Variants in SYNDIG1L observed in about 807,000 individuals in gnomAD.
SYNDIG1L encodes synapse differentiation inducing 1 like, also known as synapse differentiation-inducing gene protein 1-like.
SYNDIG1L carries 13 observed loss-of-function variants against 20.1 expected under a neutral mutation model. That is an observed-to-expected ratio of 0.65 (90% confidence interval 0.42 to 1.03). SYNDIG1L has a LOEUF of 1.03. Among genes scored for constraint, SYNDIG1L ranks in the 50% least tolerant of loss-of-function variants. SYNDIG1L has a pLI of 0.00. For missense variants in SYNDIG1L, 294 were observed against 305.1 expected, an observed-to-expected ratio of 0.96 and a Z score of 0.27; for synonymous variants, 128 against 129.3, an observed-to-expected ratio of 0.99 and a Z score of 0.07.
At chr14:74,475,082 A>C in the SYNDIG1L span, among the ~76,000 whole-genome samples, 1 of 152,174 alleles carries the variant, frequency 6.6e-6, no homozygotes. Context: ...GGCAAACCAG[A>C]GTGTGGCATC....
Position 74,409,666 on chromosome 14 carries a change from C to G in SYNDIG1L, c.79G>C (p.Glu27Gln). 1 of 1,496,966 alleles carries G rather than the reference C, an allele frequency of 6.7e-7. No individual in the cohort carries two copies. The highest frequency in any genetic ancestry group is 8.9e-7 in the Non-Finnish European group (1 of 1,124,000). 92.7% of individuals were successfully genotyped at this position (1,496,966 alleles called of 1,614,324 possible). The change falls in exon 2 of 4, where the codon GAG becomes CAG. Residue 27 changes from glutamate (E) to glutamine (Q), a missense_variant. Coordinates refer to ENST00000331628, the MANE Select transcript of SYNDIG1L (RefSeq NM_001105579.2). ...TGGCAGGACCAGCTGGGTGGGGTCT[C>G]CGGGTAGGGATAGGGGCCATGGAGA... The part of the protein sequence containing the change: ...AHLHGPYPYP[E>Q]TPPSWSCQEK...
the SYNDIG1L span, among the ~76,000 whole-genome samples, chr14:74,475,475 A>C: frequency 9.0e-6 from 1 of 111,072 alleles, no homozygotes. Context: ...AGAAATCTGT[A>C]AACAACTACT....
rs767990783 is a variant in SYNDIG1L at position 74,407,067 on chromosome 14, C to G, written c.*468G>C. 16 of 176,914 alleles carry G rather than the reference C, an allele frequency of 9.0e-5. No individual in the cohort carries two copies. The highest frequency in any genetic ancestry group is 1.9e-4 in the African/African-American group (8 of 41,676). The allele number at this position is 176,914 out of a possible 1,614,324, so 11.0% of individuals were successfully genotyped here. A position where few individuals can be genotyped will look rare whatever the true frequency, so the allele number is the denominator to read the frequency against. ...GGCCAGACAGTGGAGTTGGGGGAAG[C>G]TCAGGCTGTCCCCAGGTGAAGATCC... On this transcript the variant is annotated 3_prime_UTR_variant, in exon 4 of 4. Coordinates refer to ENST00000331628, the MANE Select transcript of SYNDIG1L (RefSeq NM_001105579.2).
At chr14:74,416,145 A>T (rs981054299) in intron 1 of SYNDIG1L, among the ~76,000 whole-genome samples, 1 of 152,034 alleles carries the variant, frequency 6.6e-6, no homozygotes, top group African/African-American at 2.4e-5. Flanking sequence ...TCTCTTTTTT[A>T]AATGTATCTC....
Position 74,409,769 on chromosome 14 carries a change from G to A in SYNDIG1L, c.-25C>T, listed in dbSNP as rs992872635. The stretch of plus-strand genomic sequence containing the variant: ...TGGTTCTGGGGCAGCTGCTGGGGAG[G>A]GGGGCCTGGGCCAGCTGAGCAGTCC... On this transcript the variant is annotated 5_prime_UTR_variant, in exon 2 of 4. Transcript: ENST00000331628. 5 of 1,414,942 alleles carry A rather than the reference G, an allele frequency of 3.5e-6. No individual in the cohort carries two copies. Among genetic ancestry groups the A allele is most frequent in the South Asian group, 1.9e-5 (1 of 51,338 alleles). The allele number at this position is 1,414,942 out of a possible 1,614,324, so 87.6% of individuals were successfully genotyped here. A position where few individuals can be genotyped will look rare whatever the true frequency, so the allele number is the denominator to read the frequency against.
the SYNDIG1L span, among the ~76,000 whole-genome samples, chr14:74,462,952 A>G: frequency 1.3e-5 from 2 of 152,190 alleles, no homozygotes; most frequent in African/African-American, 4.8e-5. Flanking sequence ...TACTGGGCAC[A>G]CAGACCAACT....
At chr14:74,426,244 G>A (rs2086265138), upstream of SYNDIG1L, 1 of 152,422 alleles carries the variant, frequency 6.6e-6, no homozygotes, top group Non-Finnish European at 1.5e-5. Context: ...CCTCCTTCCC[G>A]CCTCCCGCCG....
At chr14:74,424,491 T>C (rs562943971) in intron 1 of SYNDIG1L, among the ~76,000 whole-genome samples, 69 of 152,286 alleles carry the variant, frequency 4.5e-4, no homozygotes, top group African/African-American at 1.6e-3. Flanking sequence ...TTCAGGGAGC[T>C]CTTTCCCTAG....
rs2086094519 is a variant in SYNDIG1L, at chr14:74,407,711, C to A, written c.559-18G>T. On this transcript the variant is annotated intron_variant, in intron 3 of 3. Coordinates refer to ENST00000331628, the MANE Select transcript of SYNDIG1L (RefSeq NM_001105579.2). ...TTGCTGGTCTAGGGAGAGAGACATGCTGATGAACAGGAGTGTCCCCACACC... is the reference window on the plus strand; with the variant it reads ...TTGCTGGTCTAGGGAGAGAGACATGATGATGAACAGGAGTGTCCCCACACC... 6.3e-7 allele frequency: 1 copy of A among 1,590,832 alleles called. No homozygotes were observed. The highest frequency in any genetic ancestry group is 8.6e-7 in the Non-Finnish European group (1 of 1,167,654).
At chr14:74,417,719 G>A (rs138973627) in intron 1 of SYNDIG1L, among the ~76,000 whole-genome samples, 1 of 152,206 alleles carries the variant, frequency 6.6e-6, no homozygotes, top group Non-Finnish European at 1.5e-5. Flanking sequence ...GGGCATAACT[G>A]CATGGAGCTA....
Position 74,406,429 on chromosome 14 carries a change from C to T in SYNDIG1L, c.*1106G>A, listed in dbSNP as rs532510434. ...GCCTGGAAGCTTCCCATGGAAGGTT[C>T]CTGCCACATCCCTGCCTACAAATAC... On this transcript the variant is annotated 3_prime_UTR_variant, in exon 4 of 4. Coordinates refer to ENST00000331628, the MANE Select transcript of SYNDIG1L (RefSeq NM_001105579.2). 1.4e-4 allele frequency: 30 copies of T among 221,038 alleles called. 1 individual carries two copies. In the South Asian group the frequency reaches 5.1e-3, roughly 38 times the overall value. The allele number at this position is 221,038 out of a possible 1,614,324, so 13.7% of individuals were successfully genotyped here.
In SYNDIG1L at chr14:74,406,128, C is replaced by T. The variant is rs2086076867; in HGVS notation, c.*1407G>A. On this transcript the variant is annotated 3_prime_UTR_variant, in exon 4 of 4. Coordinates refer to ENST00000331628, the MANE Select transcript of SYNDIG1L (RefSeq NM_001105579.2). The stretch of plus-strand genomic sequence containing the variant: ...GTAGCTTGAGTCCAGACAGGCCTGC[C>T]CACATTGGTGCTGCCCCCCGCCTAC... 2.5e-6 allele frequency: 1 copy of T among 398,870 alleles called. No individual in the cohort carries two copies. The highest frequency in any genetic ancestry group is 4.4e-6 in the Non-Finnish European group (1 of 226,360). 24.7% of individuals were successfully genotyped at this position (398,870 alleles called of 1,614,324 possible). A position where few individuals can be genotyped will look rare whatever the true frequency, so the allele number is the denominator to read the frequency against.
At chr14:74,434,373 G>A in the SYNDIG1L span, among the ~76,000 whole-genome samples, 1 of 151,922 alleles carries the variant, frequency 6.6e-6, no homozygotes, top group Non-Finnish European at 1.5e-5. Flanking sequence ...TCTACCCCTG[G>A]CCTGCCTCGG....
upstream of SYNDIG1L, among the ~76,000 whole-genome samples, chr14:74,427,303 A>C (rs1170370265): frequency 6.6e-6 from 1 of 152,120 alleles, no homozygotes; most frequent in Non-Finnish European, 1.5e-5. Context: ...AGCAGGCTGC[A>C]GCTGGGGCTG....
chr14:74,407,663 G>C lies in SYNDIG1L; in HGVS notation c.589C>G (p.Arg197Gly). ...TSKAISKGDF[R>G]LASTTSRRAL... Reference sequence around the variant, plus strand: ...CGGCGGGAGGTGGTGCTGGCCAGGCGGAAGTCCCCTTTGGAGATGGCCTTG... The same window carrying C: ...CGGCGGGAGGTGGTGCTGGCCAGGCCGAAGTCCCCTTTGGAGATGGCCTTG... Residue 197 changes from arginine to glycine, a missense_variant, in exon 4 of 4, where the codon CGC (arginine) becomes GGC (glycine). Physicochemically the swap from Arg to Gly is moderately radical, Grantham distance 125 (BLOSUM62 -2). Coordinates refer to ENST00000331628, the MANE Select transcript of SYNDIG1L (RefSeq NM_001105579.2). 1 of 1,611,980 alleles carries C rather than the reference G, an allele frequency of 6.2e-7. No individual in the cohort carries two copies. The highest frequency in any genetic ancestry group is 8.5e-7 in the Non-Finnish European group (1 of 1,178,968).
At chr14:74,419,004 G>C (rs1268716067) in intron 1 of SYNDIG1L, among the ~76,000 whole-genome samples, 2 of 152,202 alleles carry the variant, frequency 1.3e-5, no homozygotes, top group Admixed American at 1.3e-4. Flanking sequence ...TTTTGGGGTA[G>C]TTGGGCAGCA....
At chr14:74,446,304 T>C in the SYNDIG1L span, among the ~76,000 whole-genome samples, 1 of 152,266 alleles carries the variant, frequency 6.6e-6, no homozygotes, top group East Asian at 1.9e-4. Context: ...AATTAACTAA[T>C]GTGAGATTTC....
the SYNDIG1L span, among the ~76,000 whole-genome samples, chr14:74,469,206 C>A: frequency 2.0e-5 from 3 of 152,026 alleles, no homozygotes; most frequent in African/African-American, 7.2e-5. Flanking sequence ...CATTGCAGAG[C>A]CTTTTCATGT....
intron 1 of SYNDIG1L, among the ~76,000 whole-genome samples, chr14:74,423,711 C>T (rs751004034): frequency 2.7e-5 from 4 of 150,838 alleles, no homozygotes; most frequent in Non-Finnish European, 4.4e-5. Context: ...CACACACACA[C>T]ACACGTAACA....
Sources: gnomAD v4.1 joint callset for allele counts (sites outside exome capture counted in the v4.1 genomes callset) on GRCh38, gnomAD v4.1.1 for gene constraint, MANE v1.5 for transcripts, NCBI Gene and HGNC (gene_info 2026-07-23, HGNC 2026-07-21) for gene names.